UBR3: variants seen among roughly 807,000 people sequenced by gnomAD.
UBR3 encodes ubiquitin protein ligase E3 component n-recognin 3.
In UBR3, 85 loss-of-function variants were observed where a neutral mutation model predicts 243.2. The observed-to-expected ratio is 0.35, with a 90% CI of 0.29 to 0.42. The LOEUF (loss-of-function observed/expected upper bound fraction) is 0.42. UBR3 is among the 10% of genes least tolerant of loss of function. UBR3 has a pLI of 1.00. For missense variants in UBR3, 1,686 were observed against 2,300.8 expected, an observed-to-expected ratio of 0.73 and a Z score of 5.47; for synonymous variants, 748 against 799.8, an observed-to-expected ratio of 0.94 and a Z score of 1.09.
At chr2:169,873,511 T>C (rs2083496764) in intron 2 of UBR3, among the ~76,000 whole-genome samples, 1 of 151,990 alleles carries the variant, frequency 6.6e-6, no homozygotes, top group African/African-American at 2.4e-5. Context: ...TTTACAAACA[T>C]TTTTAAAAGT....
intron 1 of UBR3, among the ~76,000 whole-genome samples, chr2:169,850,961 A>G (rs1021435529): frequency 3.3e-5 from 5 of 152,162 alleles, no homozygotes; most frequent in African/African-American, 1.2e-4. Context: ...AAATGTGGGT[A>G]CTTGGTTACA....
At chr2:169,875,247 T>A (rs1863698) in intron 2 of UBR3, among the ~76,000 whole-genome samples, 26,385 of 152,148 alleles carry the variant, frequency 0.17, 2,542 homozygotes, top group South Asian at 0.35. Flanking sequence ...AAACTTTTTC[T>A]TAAATACTAT....
intron 1 of UBR3, among the ~76,000 whole-genome samples, chr2:169,851,883 A>C (rs1446032652): frequency 6.6e-6 from 1 of 151,516 alleles, no homozygotes; most frequent in Non-Finnish European, 1.5e-5. Context: ...GCTGGGGCCC[A>C]GGTCTTCTGA....
intron 18 of UBR3, 128 bp downstream of exon 18, chr2:169,928,996 A>C (rs898860398): frequency 1.3e-6 from 1 of 794,450 alleles, no homozygotes; most frequent in African/African-American, 1.8e-5. Flanking sequence ...CCATTTTGTT[A>C]TAAATGTATG....
chr2:169,831,306 A>ATT (rs917331065), intron 1 of UBR3, among the ~76,000 whole-genome samples: 1 of 139,446 alleles, frequency 7.2e-6, no homozygotes. Context: ...CACCCGGCTA[A>ATT]TTTTTTTTTT....
At chr2:169,922,178 C>T (rs2085727509) in intron 11 of UBR3, among the ~76,000 whole-genome samples, 1 of 151,408 alleles carries the variant, frequency 6.6e-6, no homozygotes, top group African/African-American at 2.4e-5. Context: ...CCCAGCTGCT[C>T]AGGGGGCCGA....
At chr2:169,880,221 G>A (rs576138070) in intron 5 of UBR3, among the ~76,000 whole-genome samples, 1 of 152,146 alleles carries the variant, frequency 6.6e-6, no homozygotes, top group African/African-American at 2.4e-5. Flanking sequence ...TGATGAAATG[G>A]TTTGGTCATT....
intron 35 of UBR3, among the ~76,000 whole-genome samples, chr2:170,067,770 AT>A (rs36071079): frequency 0.17 from 22,888 of 138,354 alleles, 1,902 homozygotes; most frequent in Admixed American, 0.22. Context: ...CAAGGAAATA[AT>A]TTTTTTTTTT....
chr2:169,831,127 A>ATTTTT (rs34139528), intron 1 of UBR3, among the ~76,000 whole-genome samples: 4 of 56,462 alleles, frequency 7.1e-5, no homozygotes, highest in East Asian at 9.0e-4. Flanking sequence ...ATATATATAT[A>ATTTTT]TTTTTTTTTT....
At chr2:169,891,909 C>A (rs68192844) in intron 6 of UBR3, among the ~76,000 whole-genome samples, 3 of 151,978 alleles carry the variant, frequency 2.0e-5, no homozygotes, top group African/African-American at 7.3e-5. Context: ...AGAATACTTG[C>A]GATTAGTTGA....
chr2:169,853,575 T>C (rs2082736469), intron 1 of UBR3, among the ~76,000 whole-genome samples: 1 of 151,900 alleles, frequency 6.6e-6, no homozygotes, highest in Non-Finnish European at 1.5e-5. Flanking sequence ...TTCAGCCTCC[T>C]GAGTCACTGG....
chr2:170,013,320 T>TA (rs1402006001), intron 29 of UBR3, among the ~76,000 whole-genome samples: 10 of 152,096 alleles, frequency 6.6e-5, no homozygotes, highest in Non-Finnish European at 1.3e-4. Context: ...AAATCCTAGA[T>TA]ATTGCTGGAT....
At chr2:169,932,068 G>A (rs1035999738) in intron 18 of UBR3, among the ~76,000 whole-genome samples, 1 of 139,586 alleles carries the variant, frequency 7.2e-6, no homozygotes, top group African/African-American at 2.7e-5. Flanking sequence ...AAAATCAATA[G>A]CTCATTAATT....
At chr2:169,895,119 A>G in intron 6 of UBR3, 62 bp from the exon 7 acceptor site, 1 of 1,419,052 alleles carries the variant, frequency 7.0e-7, no homozygotes. Context: ...ATGGGTTATT[A>G]GTTATAAAAT....
At chr2:169,881,765 T>C (rs7572737) in intron 5 of UBR3, among the ~76,000 whole-genome samples, 27,618 of 137,746 alleles carry the variant, frequency 0.2, 3,285 homozygotes, top group African/African-American at 0.31. Flanking sequence ...TATTAATAAA[T>C]TATATATAAT....
chr2:169,973,235 A>G (rs1336657262), intron 24 of UBR3, among the ~76,000 whole-genome samples: 2 of 130,352 alleles, frequency 1.5e-5, no homozygotes, highest in Non-Finnish European at 3.2e-5. Context: ...TTCAAGGAGA[A>G]CTACAAACCA....
intron 38 of UBR3, among the ~76,000 whole-genome samples, chr2:170,081,328 G>A (rs763833399): frequency 5.3e-5 from 8 of 152,080 alleles, no homozygotes; most frequent in East Asian, 1.9e-4. Flanking sequence ...GTGAAACCCC[G>A]TCTCTACTAA....
chr2:169,943,771 G>A (rs2086682463), intron 20 of UBR3, among the ~76,000 whole-genome samples: 1 of 151,970 alleles, frequency 6.6e-6, no homozygotes, highest in Admixed American at 6.5e-5. Context: ...AGAAAAATGA[G>A]AATATTTGTT....
At chr2:170,077,396 G>A in intron 36 of UBR3, 2 of 1,187,056 alleles carry the variant, frequency 1.7e-6, no homozygotes, top group Non-Finnish European at 2.4e-6. Context: ...GGGAATGAGG[G>A]ACTCTTCTTT....
Sources: allele counts gnomAD v4.1 joint callset (sites outside exome capture counted in the v4.1 genomes callset), GRCh38; gene constraint gnomAD v4.1.1; transcripts MANE v1.5; gene names NCBI Gene and HGNC (gene_info 2026-07-23, HGNC 2026-07-21).